The following ADGRL3 variants were observed in gnomAD, a reference collection of about 807,000 sequenced individuals.
ADGRL3 encodes calcium-independent alpha-latrotoxin receptor 3.
A neutral mutation model predicts 153.5 loss-of-function variants in ADGRL3; 62 were observed. That is an observed-to-expected ratio of 0.40 (90% CI 0.33 to 0.50). The LOEUF is 0.50. ADGRL3 is among the 20% of genes least tolerant of loss of function. The probability of loss-of-function intolerance (pLI) is 0.47; values close to 1 mark genes in which losing one functional copy is unlikely to be tolerated. For synonymous variants in ADGRL3, 710 were observed against 672.5 expected (o/e 1.06, Z -0.86); for missense variants, 1,641 against 1,859.4 (o/e 0.88, Z 2.16).
At chr4:61,756,549 A>G (rs1009903905) in intron 8 of ADGRL3, among the ~76,000 whole-genome samples, 1 of 152,156 alleles carries the variant, frequency 6.6e-6, no homozygotes, top group Admixed American at 6.5e-5. Context: ...TAGATATATA[A>G]TCATATCATC....
intron 3 of ADGRL3, among the ~76,000 whole-genome samples, chr4:61,502,992 A>G (rs2152833594): frequency 6.6e-6 from 1 of 152,312 alleles, no homozygotes. Context: ...AATCTGTGTC[A>G]TGGTAATGAT....
chr4:61,424,318 T>TGCCGCACA (rs1162699570), intron 2 of ADGRL3, among the ~76,000 whole-genome samples: 2 of 152,130 alleles, frequency 1.3e-5, no homozygotes, highest in African/African-American at 4.8e-5. Context: ...TACTCTTGAC[T>TGCCGCACA]GCCGCACAGC....
At chr4:61,344,058 T>C (rs1002879845) in intron 1 of ADGRL3, among the ~76,000 whole-genome samples, 3 of 152,186 alleles carry the variant, frequency 2.0e-5, no homozygotes, top group African/African-American at 7.2e-5. Flanking sequence ...AATAGTGCAC[T>C]GATAGTGGTC....
chr4:61,299,367 C>T (rs529284435), intron 1 of ADGRL3, among the ~76,000 whole-genome samples: 1 of 152,088 alleles, frequency 6.6e-6, no homozygotes, highest in Non-Finnish European at 1.5e-5. Flanking sequence ...TTGTGTTATT[C>T]CATACTAGTG....
At chr4:61,302,858 G>A (rs1364804154) in intron 1 of ADGRL3, among the ~76,000 whole-genome samples, 4 of 152,076 alleles carry the variant, frequency 2.6e-5, no homozygotes, top group African/African-American at 9.7e-5. Context: ...AAACATTTCA[G>A]TTGTATTGTC....
chr4:61,405,180 G>T (rs879398112), intron 2 of ADGRL3, among the ~76,000 whole-genome samples: 1 of 151,924 alleles, frequency 6.6e-6, no homozygotes, highest in Non-Finnish European at 1.5e-5. Context: ...GCCCATTATG[G>T]AGAATTCAGA....
chr4:61,465,421 A>T (rs2097866687), intron 2 of ADGRL3, among the ~76,000 whole-genome samples: 1 of 152,072 alleles, frequency 6.6e-6, no homozygotes, highest in African/African-American at 2.4e-5. Flanking sequence ...GCTCTGAGTT[A>T]CTCAACTCCA....
intron 22 of ADGRL3, among the ~76,000 whole-genome samples, chr4:62,030,387 A>G (rs1047406451): frequency 6.6e-6 from 1 of 151,568 alleles, no homozygotes; most frequent in African/African-American, 2.4e-5. Context: ...CTGGGAATAA[A>G]GAGGTTGGGC....
At position 61,735,726 on chromosome 4, in the gene ADGRL3, G is replaced by A. The variant is rs2096499904; in HGVS notation, c.1399+2172G>A. ...TTTTTAGGTAATCAGTGAATAAGAG[G>A]CAATAACATAATTCAAATTTCATTT... On this transcript the variant is annotated intron_variant, in intron 8 of 26. Coordinates refer to ENST00000683033, the MANE Select transcript of ADGRL3 (RefSeq NM_001387552.1). Among the ~76,000 whole-genome samples the A allele has an allele frequency of 2.0e-5, 3 of 152,062 alleles. No homozygotes were observed. The South Asian group carries it at 6.2e-4, about 32-fold the overall frequency.
rs148927767 is a variant in ADGRL3 at position 61,795,109 on chromosome 4, G to A, written c.1400-18700G>A. 3.2e-3 allele frequency among the ~76,000 whole-genome samples: 490 copies of A among 152,234 alleles called. 3 individuals carry two copies. Among genetic ancestry groups the A allele is most frequent in the African/African-American group, 0.011 (454 of 41,542 alleles). On this transcript the variant is annotated intron_variant, in intron 8 of 26. Coordinates refer to ENST00000683033, the MANE Select transcript of ADGRL3 (RefSeq NM_001387552.1). ...CAATTATAACTATTCTCTAAAAAAT[G>A]GAAAAATATCAGTTTTATGCTCAAC...
At chr4:61,989,483 G>A (rs1227260448) in intron 19 of ADGRL3, among the ~76,000 whole-genome samples, 1 of 151,944 alleles carries the variant, frequency 6.6e-6, no homozygotes, top group East Asian at 1.9e-4. Flanking sequence ...ATGTCTACAG[G>A]GAGTACATGT....
intron 9 of ADGRL3, among the ~76,000 whole-genome samples, chr4:61,874,970 G>A (rs1312381578): frequency 1.3e-5 from 2 of 150,752 alleles, no homozygotes; most frequent in African/African-American, 4.9e-5. Flanking sequence ...CACCGCGCCC[G>A]GCTAATTTTT....
chr4:61,495,640 A>G (rs1340196423), intron 2 of ADGRL3, among the ~76,000 whole-genome samples: 1 of 152,132 alleles, frequency 6.6e-6, no homozygotes, highest in East Asian at 1.9e-4. Context: ...TTTCTTTAGT[A>G]TTTTGGTTTC....
intron 5 of ADGRL3, among the ~76,000 whole-genome samples, chr4:61,623,230 T>A (rs544593898): frequency 6.6e-6 from 1 of 152,068 alleles, no homozygotes; most frequent in Non-Finnish European, 1.5e-5. Flanking sequence ...CTTCCCTAAG[T>A]TCCTCAGTTG....
intron 9 of ADGRL3, among the ~76,000 whole-genome samples, chr4:61,864,002 C>G (rs1236792874): frequency 6.6e-6 from 1 of 152,150 alleles, no homozygotes; most frequent in African/African-American, 2.4e-5. Context: ...GGAAAATGCT[C>G]TCAAACATTT....
At chr4:61,692,855 T>C (rs927372122) in intron 6 of ADGRL3, among the ~76,000 whole-genome samples, 70 of 152,316 alleles carry the variant, frequency 4.6e-4, no homozygotes, top group Non-Finnish European at 7.6e-4. Flanking sequence ...ATTCTACTCC[T>C]TTAACAAACA....
At chr4:61,934,408 T>G (rs1464511483) in intron 13 of ADGRL3, among the ~76,000 whole-genome samples, 1 of 152,214 alleles carries the variant, frequency 6.6e-6, no homozygotes, top group East Asian at 1.9e-4. Context: ...TTTATGGTCA[T>G]CCTTTTAATC....
rs938976629 is a variant in ADGRL3 at position 61,349,574 on chromosome 4, C to G, written c.-239-33550C>G. 5.3e-5 allele frequency among the ~76,000 whole-genome samples: 8 copies of G among 151,944 alleles called. No individual in the cohort carries two copies. The South Asian group carries it at 1.7e-3, about 32-fold the overall frequency. ...TATAACTTTGATCAAGTCCAGACTC[C>G]TGGTTGCATTGTTACATGTAAGACT... is the stretch of plus-strand genomic sequence containing the variant. On this transcript the variant is annotated intron_variant, in intron 1 of 26. Coordinates refer to ENST00000683033, the MANE Select transcript of ADGRL3 (RefSeq NM_001387552.1).
At chr4:62,026,151 A>G (rs764328463) in intron 21 of ADGRL3, among the ~76,000 whole-genome samples, 1 of 152,152 alleles carries the variant, frequency 6.6e-6, no homozygotes, top group Non-Finnish European at 1.5e-5. Flanking sequence ...TTATTGCACA[A>G]ATCAAGCCAC....
Sources: allele counts gnomAD v4.1 joint callset (sites outside exome capture counted in the v4.1 genomes callset), GRCh38; gene constraint gnomAD v4.1.1; transcripts MANE v1.5; gene names NCBI Gene and HGNC (gene_info 2026-07-23, HGNC 2026-07-21).